Variants in USP54 observed in about 807,000 individuals in gnomAD.
USP54 encodes ubiquitin specific peptidase 54, also known as ubiquitin carboxyl-terminal hydrolase 54.
USP54 carries 87 observed loss-of-function variants against 170.5 expected under a neutral mutation model. The observed-to-expected ratio is 0.51, with a 90% CI of 0.43 to 0.61. The LOEUF (loss-of-function observed/expected upper bound fraction) is 0.61. USP54 is among the 20% of genes least tolerant of loss of function. The pLI is 0.00. For missense variants in USP54, 1,786 were observed against 2,047.8 expected (o/e 0.87, Z 2.47); for synonymous variants, 655 against 742.8 (o/e 0.88, Z 1.92).
intron 20 of USP54, among the ~76,000 whole-genome samples, chr10:73,514,172 G>T (rs936607562): frequency 2.6e-5 from 4 of 151,990 alleles, no homozygotes; most frequent in African/African-American, 9.7e-5. Flanking sequence ...TAGCCAGGAT[G>T]GTCTCAATCT....
chr10:73,535,580 G>A (rs1387851103), intron 11 of USP54, among the ~76,000 whole-genome samples: 1 of 152,138 alleles, frequency 6.6e-6, no homozygotes, highest in Non-Finnish European at 1.5e-5. Context: ...ATAAGATTCT[G>A]TGAGCTACCC....
chr10:73,498,736 G>A lies in USP54; in HGVS notation c.4948C>T (p.His1650Tyr). 6.2e-7 allele frequency: 1 copy of A among 1,613,832 alleles called. No homozygotes were observed. Among genetic ancestry groups the A allele is most frequent in the Non-Finnish European group, 8.5e-7 (1 of 1,179,862 alleles). ...DDWRQSSYAS[H>Y]SGHRRTVGEG... ...CCCACTGTTCTCCTGTGTCCAGAGTGGGAGGCATAACTGCTTTGCCTCCAG... is the reference window on the plus strand; with the variant it reads ...CCCACTGTTCTCCTGTGTCCAGAGTAGGAGGCATAACTGCTTTGCCTCCAG... The change falls in exon 24 of 24, where the codon CAC (histidine) becomes TAC (tyrosine). Residue 1650 changes from histidine (H) to tyrosine (Y), a missense_variant. Coordinates refer to ENST00000687698, the MANE Select transcript of USP54 (RefSeq NM_001391956.1).
intron 4 of USP54, among the ~76,000 whole-genome samples, chr10:73,564,597 T>C (rs958661351): frequency 6.6e-6 from 1 of 152,204 alleles, no homozygotes; most frequent in Non-Finnish European, 1.5e-5. Flanking sequence ...CAAATATCTC[T>C]GGTCTTACCC....
Position 73,499,113 on chromosome 10 carries a change from C to T in USP54, c.4571G>A (p.Gly1524Glu). ...GAGGCTCTGGTAGTTCAAAGTCCTT[C>T]CTGTGTACTTGGCCCCTTGGGAAGT... is the stretch of plus-strand genomic sequence containing the variant. ...GETSQGAKYT[G>E]RTLNYQSLPH... The change falls in exon 24 of 24, where the codon GGA (glycine) becomes GAA (glutamate). Residue 1524 changes from glycine (G) to glutamate (E), a missense_variant. By Grantham distance (98) the Gly-to-Glu change is moderately conservative. This residue lies in a region of USP54 where 1,418 missense variants were observed against 1,569.0 expected (regional missense o/e 0.90). Transcript: ENST00000687698. 6.2e-7 allele frequency: 1 copy of T among 1,614,076 alleles called. No individual in the cohort carries two copies. The highest frequency in any genetic ancestry group is 8.5e-7 in the Non-Finnish European group (1 of 1,179,994).
At chr10:73,507,079 A>C (rs1445192286) in intron 20 of USP54, 1 of 152,110 alleles carries the variant, frequency 6.6e-6, no homozygotes, top group Non-Finnish European at 1.5e-5. Flanking sequence ...GATGATTTGA[A>C]GAAATTTTAA....
Position 73,530,754 on chromosome 10 carries a change from C to A in USP54, c.1397G>T (p.Arg466Leu). Residue 466 changes from arginine (R) to leucine (L), a missense_variant, in exon 13 of 24, where the codon CGG becomes CTG. Physicochemically the swap from Arg to Leu is moderately radical, Grantham distance 102. Coordinates refer to ENST00000687698, the MANE Select transcript of USP54 (RefSeq NM_001391956.1). The stretch of plus-strand genomic sequence containing the variant: ...GGGCTCATCGCCTTTCCTCCTAACC[C>A]GACCAGAGCTCCTCTTGCGCTCTAT... The part of the protein sequence containing the change: ...SLIERKRSSG[R>L]VRRKGDEPQA... 1 of 1,614,102 alleles carries A rather than the reference C, an allele frequency of 6.2e-7. No homozygotes were observed. The highest frequency in any genetic ancestry group is 8.5e-7 in the Non-Finnish European group (1 of 1,179,994).
chr10:73,556,862 G>A (rs1292902673), intron 4 of USP54, among the ~76,000 whole-genome samples: 1 of 152,068 alleles, frequency 6.6e-6, no homozygotes, highest in East Asian at 1.9e-4. Context: ...CCTTATATAC[G>A]AAATTCTGTT....
chr10:73,553,548 T>C (rs2070164401), intron 4 of USP54, among the ~76,000 whole-genome samples: 1 of 152,186 alleles, frequency 6.6e-6, no homozygotes, highest in Non-Finnish European at 1.5e-5. Context: ...AGGGAGATCC[T>C]GTTCACACCA....
At chr10:73,609,188 A>G in intron 1 of USP54, among the ~76,000 whole-genome samples, 1 of 152,210 alleles carries the variant, frequency 6.6e-6, no homozygotes, top group East Asian at 1.9e-4. Flanking sequence ...CTGATCTTCA[A>G]TGACCATGAG....
At chr10:73,509,087 C>A (rs1274125551) in intron 20 of USP54, among the ~76,000 whole-genome samples, 22 of 45,216 alleles carry the variant, frequency 4.9e-4, no homozygotes, top group South Asian at 8.0e-4. Context: ...GGGGAAAAAA[C>A]ATAGGGTATC....
upstream of USP54, among the ~76,000 whole-genome samples, chr10:73,595,159 C>A (rs1443234549): frequency 6.6e-6 from 1 of 152,086 alleles, no homozygotes; most frequent in Non-Finnish European, 1.5e-5. Flanking sequence ...CTCCTGACCT[C>A]AGGTGATCCA....
intron 1 of USP54, among the ~76,000 whole-genome samples, chr10:73,613,481 A>T (rs1035862947): frequency 3.3e-5 from 5 of 152,038 alleles, no homozygotes; most frequent in African/African-American, 9.7e-5. Flanking sequence ...CCCACCAAAA[A>T]AAAGAATATT....
intron 4 of USP54, among the ~76,000 whole-genome samples, chr10:73,547,589 AC>A (rs1192731127): frequency 1.3e-5 from 2 of 152,196 alleles, no homozygotes; most frequent in Non-Finnish European, 2.9e-5. Context: ...CACATCTACA[AC>A]AATCTGATCT....
At chr10:73,527,837 CAAAAAAA>C (rs1015620084) in intron 15 of USP54, among the ~76,000 whole-genome samples, 2 of 43,748 alleles carry the variant, frequency 4.6e-5, no homozygotes, top group South Asian at 9.0e-4. Context: ...CCATCGATAC[CAAAAAAA>C]AAAAAAAAAA....
At position 73,617,109 on chromosome 10, in the gene USP54, C is replaced by G. The variant is rs1050143649; in HGVS notation, c.-18+8458G>C. ...GGTCGGGAGTTCGAGACCAGCCTGA[C>G]CAACACGGAGAAACCCGTCTCTACT... is the stretch of plus-strand genomic sequence containing the variant. On this transcript the variant is annotated intron_variant, in intron 1 of 22. Coordinates refer to the USP54 transcript ENST00000339859. Among the ~76,000 whole-genome samples, 29 of 150,192 alleles carry G rather than the reference C, an allele frequency of 1.9e-4. 2 individuals carry two copies. The highest frequency in any genetic ancestry group is 6.8e-4 in the African/African-American group (27 of 39,682).
chr10:73,590,003 CTT>C (rs1161768586), intron 1 of USP54, among the ~76,000 whole-genome samples: 3 of 152,190 alleles, frequency 2.0e-5, no homozygotes, highest in Non-Finnish European at 4.4e-5. Context: ...TACTTATCCT[CTT>C]TCATCAGGTG....
intron 1 of USP54, among the ~76,000 whole-genome samples, chr10:73,621,249 T>C (rs1171396047): frequency 2.0e-5 from 3 of 146,866 alleles, no homozygotes; most frequent in Admixed American, 2.0e-4. Context: ...AAAAAAAACC[T>C]GAAAGCAAAT....
At chr10:73,591,561 T>G (rs566121314), upstream of USP54, 1 of 152,230 alleles carries the variant, frequency 6.6e-6, no homozygotes, top group East Asian at 1.9e-4. Flanking sequence ...AGCTTCCAAT[T>G]AAAAACAAAG....
intron 1 of USP54, among the ~76,000 whole-genome samples, chr10:73,601,075 T>A (rs1398459720): frequency 4.4e-4 from 67 of 152,214 alleles, no homozygotes; most frequent in Non-Finnish European, 1.0e-4. Context: ...ATTTCTTTTC[T>A]AAACCAATTT....
Sources: gnomAD v4.1 joint callset for allele counts (sites outside exome capture counted in the v4.1 genomes callset) on GRCh38, gnomAD v4.1.1 for gene constraint, gnomAD v4.1.1 regional missense constraint, MANE v1.5 for transcripts, NCBI Gene and HGNC (gene_info 2026-07-23, HGNC 2026-07-21) for gene names.